The following CHD7 variants were observed in gnomAD, a reference collection of about 807,000 sequenced individuals.
CHD7 encodes the protein ATP-dependent chromatin remodeler CHD7.
A neutral mutation model predicts 307.3 loss-of-function variants in CHD7; 24 were observed. The observed-to-expected ratio is 0.08, with a 90% CI of 0.06 to 0.11. CHD7 has a LOEUF of 0.11. Among genes scored for constraint, CHD7 ranks in the 10% least tolerant of loss-of-function variants. The pLI is 1.00. For synonymous variants in CHD7, 1,363 were observed against 1,349.9 expected, an observed-to-expected ratio of 1.01 and a Z score of -0.21; for missense variants, 3,106 against 3,727.1, an observed-to-expected ratio of 0.83 and a Z score of 4.34.
chr8:60,802,798 A>G (rs756886437), intron 6 of CHD7, among the ~76,000 whole-genome samples: 1 of 152,210 alleles, frequency 6.6e-6, no homozygotes, highest in African/African-American at 2.4e-5. Flanking sequence ...AAATACTGCT[A>G]TTGAGTGATC....
intron 2 of CHD7, among the ~76,000 whole-genome samples, chr8:60,775,652 C>A (rs979350455): frequency 5.9e-5 from 9 of 152,200 alleles, no homozygotes; most frequent in African/African-American, 1.9e-4. Flanking sequence ...GAAGCCATGG[C>A]TAAACACCCT....
chr8:60,725,625 A>G (rs367995368), intron 1 of CHD7, among the ~76,000 whole-genome samples: 18 of 152,228 alleles, frequency 1.2e-4, no homozygotes, highest in East Asian at 9.6e-4. Context: ...CATCTGCATT[A>G]TAGGATGCCC....
At chr8:60,696,109 G>T (rs562856326) in intron 1 of CHD7, among the ~76,000 whole-genome samples, 95 of 152,234 alleles carry the variant, frequency 6.2e-4, no homozygotes, top group Non-Finnish European at 1.2e-3. Flanking sequence ...TCATGTTTTT[G>T]AAAAATGTGA....
intron 3 of CHD7, among the ~76,000 whole-genome samples, chr8:60,786,799 G>A (rs917989404): frequency 2.0e-5 from 3 of 152,196 alleles, no homozygotes; most frequent in Non-Finnish European, 2.9e-5. Context: ...ATGAAGTGCT[G>A]TTGAAAAATG....
rs548662060 is a variant in CHD7 at position 60,841,111 on chromosome 8, C to T, written c.4534-533C>T. Among the ~76,000 whole-genome samples, 45 of 152,318 alleles carry T rather than the reference C, an allele frequency of 3.0e-4. No individual in the cohort carries two copies. The South Asian group carries it at 3.5e-3, about 12-fold the overall frequency. ...ATTTTCAAATAGTTCCTGGTTCCTT[C>T]GGGATAGAGTTCAAACTCTGTTAAC... is the stretch of plus-strand genomic sequence containing the variant. On this transcript the variant is annotated intron_variant, in intron 19 of 37. Transcript: ENST00000423902.
At chr8:60,810,531 A>G (rs1812751122) in intron 7 of CHD7, among the ~76,000 whole-genome samples, 1 of 152,160 alleles carries the variant, frequency 6.6e-6, no homozygotes, top group Non-Finnish European at 1.5e-5. Flanking sequence ...CCAGCAGCCC[A>G]GGGTTCATTC....
At chr8:60,822,273 A>C in intron 11 of CHD7, 128 bp downstream of exon 11, 2 of 776,528 alleles carry the variant, frequency 2.6e-6, no homozygotes, top group Non-Finnish European at 3.8e-6. Context: ...ACAAGCATTG[A>C]AAATATATGT....
intron 6 of CHD7, among the ~76,000 whole-genome samples, chr8:60,806,438 A>G (rs1305292747): frequency 6.6e-6 from 1 of 152,352 alleles, no homozygotes; most frequent in East Asian, 1.9e-4. Flanking sequence ...ATGGATGGCC[A>G]CTTGAACTTG....
chr8:60,753,989 G>T (rs1262024813), intron 2 of CHD7, among the ~76,000 whole-genome samples: 1 of 152,126 alleles, frequency 6.6e-6, no homozygotes, highest in Non-Finnish European at 1.5e-5. Flanking sequence ...TGCTAGAGTG[G>T]TATTTCATAC....
Position 60,770,734 on chromosome 8 carries a change from CTT to C in CHD7, c.1666-10262_1666-10261del, listed in dbSNP as rs373936351. Among the ~76,000 whole-genome samples, 19 of 152,198 alleles carry C rather than the reference CTT, an allele frequency of 1.2e-4. No individual in the cohort carries two copies. In the East Asian group the frequency reaches 3.3e-3, roughly 26 times the overall value. On this transcript the variant is annotated intron_variant, in intron 2 of 37. Transcript: ENST00000423902. ...AACTATCTAACTTGTTAGACTCTAGCTTTTTAAAATGCTCTTTTGCTTATCGT... is the reference window on the plus strand; with the variant it reads ...AACTATCTAACTTGTTAGACTCTAGCTTTAAAATGCTCTTTTGCTTATCGT...
At chr8:60,782,512 T>G (rs1392388092) in intron 3 of CHD7, among the ~76,000 whole-genome samples, 1 of 152,244 alleles carries the variant, frequency 6.6e-6, no homozygotes, top group Non-Finnish European at 1.5e-5. Context: ...ATGTGATGTT[T>G]TAAAAGTTTG....
rs1173391141 is a variant in CHD7 at position 60,830,497 on chromosome 8, G to A, written c.3698G>A (p.Gly1233Asp). ...EKNFTFLSKG[G>D]GQANVPNLLN... ...AATTTCACATTTCTTTCCAAAGGCG[G>A]TGGTCAAGCTAACGTACCTAACCTA... The change falls in exon 15 of 38, where the codon GGT becomes GAT. Residue 1233 changes from glycine (G) to aspartate (D), a missense_variant. Gly to Asp is a moderately conservative substitution (Grantham distance 94). Around this residue, in one of 10 missense-constraint regions of CHD7, gnomAD observed 232 missense variants for 422.5 expected, o/e 0.55. Transcript: ENST00000423902. 1 of 1,614,036 alleles carries A rather than the reference G, an allele frequency of 6.2e-7. No homozygotes were observed. Among genetic ancestry groups the A allele is most frequent in the Non-Finnish European group, 8.5e-7 (1 of 1,179,886 alleles).
In CHD7 at chr8:60,821,931, A is replaced by G; in HGVS notation, c.2835+4A>G. ...GGAGCCGGAAACAGAGCGTGTGGTA[A>G]GAATTGGCTGATGGTAGAGAATTTA... On this transcript the variant is annotated splice_donor_region_variant and intron_variant, in intron 10 of 37. Transcript: ENST00000423902. 6.2e-7 allele frequency: 1 copy of G among 1,613,334 alleles called. No homozygotes were observed.
chr8:60,782,980 T>G (rs1047817307), intron 3 of CHD7, among the ~76,000 whole-genome samples: 3 of 152,176 alleles, frequency 2.0e-5, no homozygotes, highest in Non-Finnish European at 4.4e-5. Flanking sequence ...CTTTTTTCTT[T>G]AACTTAAAAC....
intron 1 of CHD7, among the ~76,000 whole-genome samples, chr8:60,714,059 G>C (rs1025192027): frequency 2.6e-5 from 4 of 152,062 alleles, no homozygotes; most frequent in African/African-American, 4.8e-5. Flanking sequence ...GGGCTGCTTA[G>C]GGGGAGCGCT....
intron 2 of CHD7, among the ~76,000 whole-genome samples, chr8:60,762,790 A>T (rs1203072972): frequency 6.6e-6 from 1 of 152,122 alleles, no homozygotes; most frequent in Non-Finnish European, 1.5e-5. Flanking sequence ...GGGCACATAC[A>T]TTCTATAGGT....
intron 2 of CHD7, among the ~76,000 whole-genome samples, chr8:60,778,395 A>C (rs915396237): frequency 2.0e-5 from 3 of 152,172 alleles, no homozygotes; most frequent in Non-Finnish European, 1.5e-5. Flanking sequence ...TGCAAGATTA[A>C]ATTTTTTACT....
At chr8:60,810,333 T>C (rs1368013891) in intron 7 of CHD7, among the ~76,000 whole-genome samples, 8 of 151,918 alleles carry the variant, frequency 5.3e-5, no homozygotes, top group Admixed American at 1.3e-4. Flanking sequence ...TGCTGAGGAA[T>C]TGTTGCTTCT....
intron 2 of CHD7, among the ~76,000 whole-genome samples, chr8:60,776,025 G>T (rs1347842328): frequency 6.6e-6 from 1 of 152,222 alleles, no homozygotes; most frequent in African/African-American, 2.4e-5. Flanking sequence ...CTCCCAAAGT[G>T]CTGGGATTAC....
Sources: allele counts gnomAD v4.1 joint callset (sites outside exome capture counted in the v4.1 genomes callset), GRCh38; gene constraint gnomAD v4.1.1; regional missense constraint gnomAD v4.1.1; transcripts MANE v1.5; gene names NCBI Gene and HGNC (gene_info 2026-07-23, HGNC 2026-07-21).